PALM2AKAP2: variants seen among roughly 807,000 people sequenced by gnomAD.
PALM2AKAP2 encodes the protein PALM2 and AKAP2 fusion.
In PALM2AKAP2, 37 loss-of-function variants were observed where a neutral mutation model predicts 71.5. The observed-to-expected ratio is 0.52, with a 90% CI of 0.40 to 0.68. The LOEUF is 0.68. Ranked by LOEUF, PALM2AKAP2 falls within the 30% of genes least tolerant of loss-of-function variation. The pLI, the probability that PALM2AKAP2 is intolerant of heterozygous loss-of-function variation, is 0.00. For synonymous variants in PALM2AKAP2, 468 were observed against 478.8 expected (o/e 0.98, Z 0.29); for missense variants, 1,224 against 1,191.8 (o/e 1.03, Z -0.40).
At chr9:110,076,860 A>G (rs2118653403) in intron 1 of PALM2AKAP2, among the ~76,000 whole-genome samples, 1 of 152,288 alleles carries the variant, frequency 6.6e-6, no homozygotes, top group Admixed American at 6.5e-5. Context: ...TTACAGTATC[A>G]CTGCTTGGGG....
At chr9:109,867,568 C>G (rs1239962659) in exon 2 of PALM2AKAP2, 1 of 1,612,474 alleles carries the variant, frequency 6.2e-7, no homozygotes, top group East Asian at 2.2e-5. Context: ...TGCAGCATTC[C>G]AAGGTAAGCA....
At chr9:109,819,849 A>G (rs982569588) in intron 1 of PALM2AKAP2, among the ~76,000 whole-genome samples, 5 of 152,208 alleles carry the variant, frequency 3.3e-5, no homozygotes, top group Admixed American at 2.0e-4. Context: ...ATCACCACTC[A>G]TCATAAAATA....
upstream of PALM2AKAP2, among the ~76,000 whole-genome samples, chr9:109,778,067 TA>T (rs1213765462): frequency 1.3e-5 from 2 of 152,214 alleles, no homozygotes; most frequent in African/African-American, 4.8e-5. Context: ...ATACAAAACT[TA>T]AAATTTACCA....
intron 1 of PALM2AKAP2, among the ~76,000 whole-genome samples, chr9:109,687,896 G>T (rs978205295): frequency 6.6e-6 from 1 of 152,148 alleles, no homozygotes; most frequent in African/African-American, 2.4e-5. Context: ...ACCATTGTAG[G>T]GTTATTAGTT....
At position 109,924,983 on chromosome 9, in the gene PALM2AKAP2, A is replaced by C. The variant is rs374758241; in HGVS notation, c.373-78A>C. The C allele has an allele frequency of 1.7e-5, 27 of 1,603,558 alleles. 2 individuals carry two copies. In the Middle Eastern group the frequency reaches 5.0e-4, roughly 30 times the overall value. On this transcript the variant is annotated intron_variant, in intron 4 of 9. Coordinates refer to the PALM2AKAP2 transcript ENST00000302798. ...CTGGGGCATGGGAGAAAGATGGGTT[A>C]AGTCTTTAAAGATGGGAAAAGATGG...
At chr9:109,724,392 A>G (rs1297409464) in intron 1 of PALM2AKAP2, among the ~76,000 whole-genome samples, 2 of 152,196 alleles carry the variant, frequency 1.3e-5, no homozygotes, top group African/African-American at 4.8e-5. Flanking sequence ...AGCTTTTAAA[A>G]TTCATTTATA....
intron 1 of PALM2AKAP2, among the ~76,000 whole-genome samples, chr9:109,804,535 A>G (rs1436072922): frequency 6.6e-6 from 1 of 152,168 alleles, no homozygotes; most frequent in Non-Finnish European, 1.5e-5. Context: ...GTAGTAACGA[A>G]ATCAAGCAGT....
chr9:109,643,029 A>G (rs567069016), intron 1 of PALM2AKAP2, among the ~76,000 whole-genome samples: 42 of 151,516 alleles, frequency 2.8e-4, no homozygotes, highest in African/African-American at 1.0e-3. Context: ...AAAAAGAAAG[A>G]AAGGAAGGAA....
At chr9:109,818,187 A>C (rs16914517) in intron 1 of PALM2AKAP2, among the ~76,000 whole-genome samples, 6,304 of 152,346 alleles carry the variant, frequency 0.041, 164 homozygotes, top group African/African-American at 0.065. Flanking sequence ...AGCGAAACAG[A>C]AAAGGTATAA....
intron 1 of PALM2AKAP2, among the ~76,000 whole-genome samples, chr9:110,076,751 A>G (rs1020319089): frequency 8.5e-5 from 13 of 152,088 alleles, no homozygotes; most frequent in African/African-American, 3.1e-4. Context: ...CATATGGAAG[A>G]CCAGCTAGAC....
intron 3 of PALM2AKAP2, among the ~76,000 whole-genome samples, chr9:109,911,449 C>G (rs1830567361): frequency 6.6e-6 from 1 of 152,092 alleles, no homozygotes; most frequent in Non-Finnish European, 1.5e-5. Context: ...TCTCCATGGG[C>G]TGAAGCACAC....
chr9:110,056,210 G>A (rs1833836655), intron 1 of PALM2AKAP2, among the ~76,000 whole-genome samples: 1 of 152,212 alleles, frequency 6.6e-6, no homozygotes, highest in African/African-American at 2.4e-5. Flanking sequence ...CATTTTCCTG[G>A]CAGTGGTTAA....
At chr9:109,983,400 T>A (rs1406582325) in intron 6 of PALM2AKAP2, among the ~76,000 whole-genome samples, 1 of 152,168 alleles carries the variant, frequency 6.6e-6, no homozygotes, top group African/African-American at 2.4e-5. Context: ...CTCTCTCTCT[T>A]CTTTTTCGTC....
intron 1 of PALM2AKAP2, among the ~76,000 whole-genome samples, chr9:109,861,169 T>G (rs1004932384): frequency 6.6e-6 from 1 of 152,144 alleles, no homozygotes; most frequent in Admixed American, 6.5e-5. Context: ...CTACCTTCCC[T>G]GCTTAGCCTC....
intron 1 of PALM2AKAP2, among the ~76,000 whole-genome samples, chr9:109,803,061 C>T (rs992913066): frequency 3.3e-5 from 5 of 152,008 alleles, no homozygotes; most frequent in Admixed American, 6.6e-5. Context: ...TGTTTGTTTG[C>T]TTGCTTGCTT....
At chr9:110,127,920 T>C (rs1835650927) in intron 1 of PALM2AKAP2, 1 of 152,404 alleles carries the variant, frequency 6.6e-6, no homozygotes, top group African/African-American at 2.4e-5. Context: ...TTGCTGGGGA[T>C]GGCGGATCAC....
chr9:110,151,188 C>T (rs1203394465), intron 2 of PALM2AKAP2, among the ~76,000 whole-genome samples: 2 of 152,102 alleles, frequency 1.3e-5, no homozygotes, highest in Non-Finnish European at 2.9e-5. Context: ...TATTCATTTA[C>T]TTACTTTAAA....
At chr9:109,962,019 C>T (rs551719504) in intron 6 of PALM2AKAP2, among the ~76,000 whole-genome samples, 17 of 152,302 alleles carry the variant, frequency 1.1e-4, no homozygotes, top group Middle Eastern at 3.4e-3. Context: ...ATAATTGCCA[C>T]CAACATTGCA....
At chr9:110,031,695 G>A (rs1833279948) in intron 7 of PALM2AKAP2, among the ~76,000 whole-genome samples, 1 of 152,122 alleles carries the variant, frequency 6.6e-6, no homozygotes, top group Admixed American at 6.6e-5. Flanking sequence ...CTGGAGCCTA[G>A]GTCTAAGCCA....
Sources: gnomAD v4.1 joint callset for allele counts (sites outside exome capture counted in the v4.1 genomes callset) on GRCh38, gnomAD v4.1.1 for gene constraint, MANE v1.5 for transcripts, NCBI Gene and HGNC (gene_info 2026-07-23, HGNC 2026-07-21) for gene names.